The following ZSCAN4 variants were observed in gnomAD, a reference collection of about 807,000 sequenced individuals.
The protein encoded by ZSCAN4 is zinc finger and SCAN domain-containing protein 4.
Under a neutral mutation model 18.3 loss-of-function variants are expected in ZSCAN4, and 18 were observed. The observed-to-expected ratio is 0.98, with a 90% CI of 0.68 to 1.46. The LOEUF (loss-of-function observed/expected upper bound fraction) is 1.46. Ranked by LOEUF, ZSCAN4 falls within the 40% of genes most tolerant of loss-of-function variation. ZSCAN4 has a pLI of 0.00. For synonymous variants in ZSCAN4, 193 were observed against 180.3 expected, an observed-to-expected ratio of 1.07 and a Z score of -0.57; for missense variants, 498 against 511.4, an observed-to-expected ratio of 0.97 and a Z score of 0.25.
chr19:57,668,408 A>G (rs1428820221), upstream of ZSCAN4, among the ~76,000 whole-genome samples: 1 of 152,128 alleles, frequency 6.6e-6, no homozygotes, highest in Non-Finnish European at 1.5e-5. Context: ...CAGTCTTATA[A>G]TGTGAGGATT....
At chr19:57,653,390 G>GA in the ZSCAN4 span, among the ~76,000 whole-genome samples, 1,483 of 76,458 alleles carry the variant, frequency 0.019, 17 homozygotes, top group Non-Finnish European at 0.035. Context: ...CCATCTCAAA[G>GA]AAAAAAAAAA....
the ZSCAN4 span, among the ~76,000 whole-genome samples, chr19:57,659,548 G>A: frequency 6.6e-6 from 1 of 152,092 alleles, no homozygotes; most frequent in Non-Finnish European, 1.5e-5. Flanking sequence ...AGTGGGAGCC[G>A]CTGCACCTGG....
At chr19:57,676,292 A>G in exon 3 of ZSCAN4, 2 of 1,614,212 alleles carry the variant, frequency 1.2e-6, no homozygotes, top group Non-Finnish European at 1.7e-6. Context: ...TGCTCAATTC[A>G]TTTCAAGACA....
At chr19:57,656,635 C>T in the ZSCAN4 span, among the ~76,000 whole-genome samples, 2 of 152,188 alleles carry the variant, frequency 1.3e-5, no homozygotes, top group African/African-American at 2.4e-5. Flanking sequence ...TGACTTCACC[C>T]ATATACCCCC....
rs1171741360 is a variant in ZSCAN4, at chr19:57,675,141, C to CTTTTT, written c.-105-880_-105-876dup. Among the ~76,000 whole-genome samples the CTTTTT allele has an allele frequency of 6.4e-4, 50 of 78,076 alleles. 1 individual carries two copies. The highest frequency in any genetic ancestry group is 8.9e-4 in the African/African-American group (15 of 16,836). The allele number at this position is 78,076 out of a possible 152,430, so 51.2% of individuals were successfully genotyped here. On this transcript the variant is annotated intron_variant, in intron 2 of 4. Transcript: ENST00000318203. ...AGCTAAGTTTTGTGTGTGCGTGTGG[C>CTTTTT]TTTTTTTTTTTTTTTTTTTTTTTTG...
At chr19:57,659,683 T>C in the ZSCAN4 span, among the ~76,000 whole-genome samples, 3 of 152,312 alleles carry the variant, frequency 2.0e-5, no homozygotes, top group East Asian at 3.9e-4. Context: ...CTTTGTTCTA[T>C]GGGATGACTA....
the ZSCAN4 span, among the ~76,000 whole-genome samples, chr19:57,660,606 GA>G: frequency 6.6e-6 from 1 of 152,146 alleles, no homozygotes; most frequent in Non-Finnish European, 1.5e-5. Context: ...TTTCAGCCAT[GA>G]AAAATTCATG....
upstream of ZSCAN4, among the ~76,000 whole-genome samples, chr19:57,667,123 C>A (rs1484643382): frequency 1.3e-5 from 2 of 152,188 alleles, no homozygotes; most frequent in Non-Finnish European, 2.9e-5. Flanking sequence ...TGATAGTTGT[C>A]TTTGTAATAT....
the ZSCAN4 span, among the ~76,000 whole-genome samples, chr19:57,652,442 C>G: frequency 1.3e-5 from 2 of 152,120 alleles, no homozygotes; most frequent in Non-Finnish European, 2.9e-5. Flanking sequence ...ATCCTGTTCA[C>G]CCTTTCAAAT....
In ZSCAN4 at chr19:57,676,576, C is replaced by T. The variant is rs1319305725; in HGVS notation, c.396+35C>T. On this transcript the variant is annotated intron_variant, in intron 3 of 4. Transcript: ENST00000318203. ...GGGTTCTAACTTCTGGGATGAGAGA[C>T]AAAGGAAAGTAAGGAATAAATCACA... 4 of 1,556,970 alleles carry T rather than the reference C, an allele frequency of 2.6e-6. No homozygotes were observed. The African/African-American group carries it at 5.5e-5, about 21-fold the overall frequency.
chr19:57,659,141 C>T, the ZSCAN4 span, among the ~76,000 whole-genome samples: 3 of 152,130 alleles, frequency 2.0e-5, no homozygotes, highest in African/African-American at 7.2e-5. Context: ...CACTGTAAGT[C>T]CTACTATGAA....
At chr19:57,661,863 T>C in the ZSCAN4 span, among the ~76,000 whole-genome samples, 4 of 151,860 alleles carry the variant, frequency 2.6e-5, no homozygotes, top group Non-Finnish European at 5.9e-5. Flanking sequence ...GGGCAGAAAA[T>C]CTGAGGTCAG....
At chr19:57,666,076 G>A (rs922138523), upstream of ZSCAN4, among the ~76,000 whole-genome samples, 4 of 152,150 alleles carry the variant, frequency 2.6e-5, no homozygotes, top group African/African-American at 9.7e-5. Flanking sequence ...ATATTTAAAA[G>A]GAAATTGGGT....
the ZSCAN4 span, among the ~76,000 whole-genome samples, chr19:57,655,604 A>G: frequency 6.6e-6 from 1 of 152,096 alleles, no homozygotes; most frequent in Non-Finnish European, 1.5e-5. Context: ...ACCTACAGGA[A>G]CTCATGAGTC....
the ZSCAN4 span, among the ~76,000 whole-genome samples, chr19:57,657,248 C>A: frequency 6.6e-6 from 1 of 151,336 alleles, no homozygotes; most frequent in Non-Finnish European, 1.5e-5. Flanking sequence ...AAGAGTGAAA[C>A]TCCGTCTGCC....
At chr19:57,658,145 A>G in the ZSCAN4 span, among the ~76,000 whole-genome samples, 4 of 152,258 alleles carry the variant, frequency 2.6e-5, no homozygotes, top group Admixed American at 2.0e-4. Context: ...ACATTTATAA[A>G]TAGAATATTC....
the ZSCAN4 span, among the ~76,000 whole-genome samples, chr19:57,658,175 G>GA: frequency 6.6e-6 from 1 of 151,982 alleles, no homozygotes; most frequent in Admixed American, 6.6e-5. Flanking sequence ...GTCAAGGAGG[G>GA]AAAAAAACAT....
the ZSCAN4 span, among the ~76,000 whole-genome samples, chr19:57,652,835 C>T: frequency 2.6e-5 from 4 of 152,124 alleles, no homozygotes; most frequent in African/African-American, 9.7e-5. Context: ...TTCCACAGAC[C>T]CTGCCTCCTT....
chr19:57,678,074 G>T, exon 4 of ZSCAN4: 1 of 1,582,954 alleles, frequency 6.3e-7, no homozygotes, highest in Non-Finnish European at 8.6e-7. Flanking sequence ...TTAGAAACAG[G>T]ACAAGGTAAG....
Sources: gnomAD v4.1 joint callset for allele counts (sites outside exome capture counted in the v4.1 genomes callset) on GRCh38, gnomAD v4.1.1 for gene constraint, MANE v1.5 for transcripts, NCBI Gene and HGNC (gene_info 2026-07-23, HGNC 2026-07-21) for gene names.